The following SEMA6D variants were observed in gnomAD, a reference collection of about 807,000 sequenced individuals.
The protein encoded by SEMA6D is semaphorin-6D.
SEMA6D carries 35 observed loss-of-function variants against 106.6 expected under a neutral mutation model. That is an observed-to-expected ratio of 0.33 (90% CI 0.25 to 0.44). SEMA6D has a LOEUF of 0.44. Among genes scored for constraint, SEMA6D ranks in the 20% least tolerant of loss-of-function variants. The pLI is 1.00. For synonymous variants in SEMA6D, 499 were observed against 487.7 expected (o/e 1.02, Z -0.31); for missense variants, 1,185 against 1,345.9 (o/e 0.88, Z 1.87).
intron 1 of SEMA6D, among the ~76,000 whole-genome samples, chr15:47,406,307 G>T (rs994555819): frequency 2.0e-5 from 3 of 152,146 alleles, no homozygotes; most frequent in African/African-American, 7.2e-5. Flanking sequence ...GAAGAATTTG[G>T]AATGGAGGAA....
intron 1 of SEMA6D, among the ~76,000 whole-genome samples, chr15:47,729,498 G>A (rs1192055704): frequency 1.3e-5 from 2 of 152,158 alleles, no homozygotes; most frequent in East Asian, 1.9e-4. Flanking sequence ...TCAGCAAAGG[G>A]TAGTTGAAGA....
intron 4 of SEMA6D, among the ~76,000 whole-genome samples, chr15:47,631,859 A>G (rs921947810): frequency 6.6e-6 from 1 of 151,994 alleles, no homozygotes; most frequent in South Asian, 2.1e-4. Context: ...CTTCTTTATT[A>G]TAATGTGTCT....
At chr15:47,380,349 A>C (rs1253132255) in intron 1 of SEMA6D, 1 of 152,196 alleles carries the variant, frequency 6.6e-6, no homozygotes, top group Non-Finnish European at 1.5e-5. Context: ...TTCCAGGTTC[A>C]GTCCCTTGGA....
At chr15:47,218,852 G>C (rs781592299) in intron 1 of SEMA6D, among the ~76,000 whole-genome samples, 2 of 152,172 alleles carry the variant, frequency 1.3e-5, no homozygotes, top group Non-Finnish European at 2.9e-5. Flanking sequence ...GGCTCAGGGA[G>C]GTTAAGTAAC....
intron 1 of SEMA6D, among the ~76,000 whole-genome samples, chr15:47,375,564 G>A (rs2039420802): frequency 6.6e-6 from 1 of 152,174 alleles, no homozygotes; most frequent in South Asian, 2.1e-4. Flanking sequence ...CTGCCGAACA[G>A]AGGGTATCAC....
At chr15:47,768,785 G>A in intron 18 of SEMA6D, 37 bp downstream of exon 18, 1 of 1,583,970 alleles carries the variant, frequency 6.3e-7, no homozygotes. Context: ...CTAACTGCGT[G>A]GAAACCTGAT....
intron 1 of SEMA6D, among the ~76,000 whole-genome samples, chr15:47,188,123 A>G (rs777422971): frequency 2.6e-5 from 4 of 152,138 alleles, no homozygotes; most frequent in Admixed American, 2.0e-4. Context: ...GATATCGTCA[A>G]TGTTTATTTT....
intron 3 of SEMA6D, among the ~76,000 whole-genome samples, chr15:47,582,218 T>G (rs151003303): frequency 3.1e-3 from 466 of 152,150 alleles, no homozygotes; most frequent in Non-Finnish European, 4.9e-3. Context: ...TTTTGAGGAG[T>G]GCAATGATGC....
rs374879823 is a variant in SEMA6D, at chr15:47,474,262, T to TC, written c.-87+3720dup. 2.7e-4 allele frequency among the ~76,000 whole-genome samples: 41 copies of TC among 152,288 alleles called. No individual in the cohort carries two copies. The East Asian group carries it at 7.7e-3, about 29-fold the overall frequency. ...ACTGAGCCATGAGGAAGACAGACCC[T>TC]CCCTGTCACAATTGGAGTCAGAATA... On this transcript the variant is annotated intron_variant, in intron 3 of 19. Coordinates refer to the SEMA6D transcript ENST00000558014.
upstream of SEMA6D, among the ~76,000 whole-genome samples, chr15:47,715,508 C>T (rs2079093885): frequency 6.6e-6 from 1 of 152,086 alleles, no homozygotes; most frequent in African/African-American, 2.4e-5. Flanking sequence ...CCATTCGTAC[C>T]ATGCCACAGT....
At chr15:47,524,947 C>T (rs1797240) in intron 3 of SEMA6D, among the ~76,000 whole-genome samples, 3 of 152,122 alleles carry the variant, frequency 2.0e-5, no homozygotes, top group Non-Finnish European at 4.4e-5. Context: ...AAAGTGCTCA[C>T]GGACACCTGA....
chr15:47,463,351 T>A (rs2042568071), intron 2 of SEMA6D, among the ~76,000 whole-genome samples: 1 of 152,176 alleles, frequency 6.6e-6, no homozygotes, highest in South Asian at 2.1e-4. Flanking sequence ...CCATAAATCC[T>A]TTGCTGATCA....
intron 1 of SEMA6D, among the ~76,000 whole-genome samples, chr15:47,354,677 G>A (rs1423601739): frequency 6.6e-6 from 1 of 151,900 alleles, no homozygotes; most frequent in East Asian, 1.9e-4. Flanking sequence ...AGGGGTTAGT[G>A]TGCATCAGCT....
chr15:47,704,893 G>A (rs2078884120), intron 4 of SEMA6D, among the ~76,000 whole-genome samples: 1 of 152,030 alleles, frequency 6.6e-6, no homozygotes, highest in Admixed American at 6.5e-5. Flanking sequence ...TTTGAACATA[G>A]CAAAAAATTA....
Position 47,302,504 on chromosome 15 carries a change from T to C in SEMA6D, c.-238-109889T>C, listed in dbSNP as rs147442883. On this transcript the variant is annotated intron_variant, in intron 1 of 19. Transcript: ENST00000558014. The stretch of plus-strand genomic sequence containing the variant: ...GAACCTATAAATATGTTGCCCTACA[T>C]GGAATGAGGGACTTTGCAGATGTGA... Among the ~76,000 whole-genome samples, 25 of 152,268 alleles carry C rather than the reference T, an allele frequency of 1.6e-4. No homozygotes were observed. The East Asian group carries it at 4.6e-3, about 28-fold the overall frequency.
rs1212873324 is a variant in SEMA6D at position 47,763,039 on chromosome 15, G to C, written c.682G>C (p.Glu228Gln). Reference sequence around the variant, plus strand: ...AGAGCCACACTTTCTTCATGCCATAGAATATGGAAACTATGTCTATTTCTT... The same window carrying C: ...AGAGCCACACTTTCTTCATGCCATACAATATGGAAACTATGTCTATTTCTT... ...IKEPHFLHAI[E>Q]YGNYVYFFFR... Residue 228 changes from glutamate (E) to glutamine (Q), a missense_variant, in exon 9 of 19, where the codon GAA becomes CAA. Around this residue, in one of 3 missense-constraint regions of SEMA6D, gnomAD observed 291 missense variants for 423.8 expected, o/e 0.69. Coordinates refer to ENST00000536845, the MANE Select transcript of SEMA6D (RefSeq NM_001358351.3). 1.2e-6 allele frequency: 2 copies of C among 1,611,648 alleles called. No homozygotes were observed. The highest frequency in any genetic ancestry group is 3.3e-5 in the Admixed American group (2 of 59,816).
intron 1 of SEMA6D, among the ~76,000 whole-genome samples, chr15:47,196,975 G>A (rs1894404983): frequency 6.6e-6 from 1 of 152,074 alleles, no homozygotes; most frequent in Admixed American, 6.6e-5. Context: ...TCTTGAACAG[G>A]ATATACTAGG....
chr15:47,466,473 C>G (rs2042663337), intron 2 of SEMA6D, among the ~76,000 whole-genome samples: 1 of 152,100 alleles, frequency 6.6e-6, no homozygotes, highest in Non-Finnish European at 1.5e-5. Context: ...CATGTTGACA[C>G]AAATGGCTAA....
chr15:47,423,105 G>A (rs1320643547), intron 2 of SEMA6D, among the ~76,000 whole-genome samples: 1 of 152,040 alleles, frequency 6.6e-6, no homozygotes, highest in Non-Finnish European at 1.5e-5. Flanking sequence ...ATGACTCTGA[G>A]TCACTTCTCT....
Sources: allele counts gnomAD v4.1 joint callset (sites outside exome capture counted in the v4.1 genomes callset), GRCh38; gene constraint gnomAD v4.1.1; regional missense constraint gnomAD v4.1.1; transcripts MANE v1.5; gene names NCBI Gene and HGNC (gene_info 2026-07-23, HGNC 2026-07-21).